The following SEMA3F variants were observed in gnomAD, a reference collection of about 807,000 sequenced individuals.
SEMA3F encodes the protein semaphorin-3F.
A neutral mutation model predicts 98.5 loss-of-function variants in SEMA3F; 30 were observed. The ratio of observed to expected loss-of-function variants is 0.30; its 90% CI spans 0.23 to 0.41. SEMA3F has a LOEUF of 0.41. Ranked by LOEUF, SEMA3F falls within the 10% of genes least tolerant of loss-of-function variation. SEMA3F has a pLI of 1.00. For missense variants in SEMA3F, 866 were observed against 1,119.3 expected, an observed-to-expected ratio of 0.77 and a Z score of 3.23; for synonymous variants, 380 against 444.8, an observed-to-expected ratio of 0.85 and a Z score of 1.83.
intron 2 of SEMA3F, among the ~76,000 whole-genome samples, chr3:50,160,261 G>A (rs1305242320): frequency 1.3e-5 from 2 of 152,154 alleles, no homozygotes; most frequent in African/African-American, 4.8e-5. Flanking sequence ...TAGAATCCAG[G>A]AGGGGACTGT....
At chr3:50,169,543 G>A (rs946956883) in intron 2 of SEMA3F, among the ~76,000 whole-genome samples, 9 of 152,186 alleles carry the variant, frequency 5.9e-5, no homozygotes, top group Non-Finnish European at 1.2e-4. Flanking sequence ...GTATGGGGGT[G>A]GGGAGCCCTT....
chr3:50,183,163 A>G (rs1256786508), intron 10 of SEMA3F, 23 bp from the exon 11 acceptor site: 3 of 1,613,176 alleles, frequency 1.9e-6, no homozygotes, highest in Non-Finnish European at 2.5e-6. Flanking sequence ...GCACCCTCCA[A>G]CACCTTCTCC....
chr3:50,159,392 G>A (rs1698119092), intron 1 of SEMA3F, 183 bp from the exon 2 acceptor site: 2 of 501,420 alleles, frequency 4.0e-6, no homozygotes, highest in Non-Finnish European at 6.9e-6. Flanking sequence ...GGGGCCTATT[G>A]GTACTATCTC....
At chr3:50,157,858 G>T (rs1698051124) in intron 1 of SEMA3F, among the ~76,000 whole-genome samples, 1 of 152,212 alleles carries the variant, frequency 6.6e-6, no homozygotes, top group African/African-American at 2.4e-5. Flanking sequence ...ATGAGGTCAT[G>T]GGGAGGGGGG....
chr3:50,155,618 AC>A lies in SEMA3F; in HGVS notation c.-49+58del. On this transcript the variant is annotated intron_variant, in intron 1 of 18. Coordinates refer to ENST00000002829, the MANE Select transcript of SEMA3F (RefSeq NM_004186.5). This position sits in a 1 kb window ranked among gnomAD's most constrained non-coding sequence, Gnocchi z 4.9. ...GGGCAGGCGGCCGGGCCACCCCGCG[AC>A]CCCTCTGGGACCCGCGGCACTGCAA... 1 of 249,260 alleles carries A rather than the reference AC, an allele frequency of 4.0e-6. No individual in the cohort carries two copies. 15.4% of individuals were successfully genotyped at this position (249,260 alleles called of 1,614,324 possible). A position where few individuals can be genotyped will look rare whatever the true frequency, so the allele number is the denominator to read the frequency against.
rs1201109435 is a variant in SEMA3F, at chr3:50,155,495, C to G, written c.-118C>G. The stretch of plus-strand genomic sequence containing the variant: ...GGCCCCGGGGGGCCGCTAGCGCGGA[C>G]CGGCCCAACGGGAGCCGCTCCGTGC... On this transcript the variant is annotated 5_prime_UTR_variant, in exon 1 of 19. Coordinates refer to ENST00000002829, the MANE Select transcript of SEMA3F (RefSeq NM_004186.5). The surrounding 1 kb of genome is among the most constrained non-coding windows in gnomAD (Gnocchi z 4.9). 3 of 323,992 alleles carry G rather than the reference C, an allele frequency of 9.3e-6. No homozygotes were observed. The highest frequency in any genetic ancestry group is 4.4e-5 in the African/African-American group (2 of 45,808). The allele number at this position is 323,992 out of a possible 1,614,324, so 20.1% of individuals were successfully genotyped here. A position where few individuals can be genotyped will look rare whatever the true frequency, so the allele number is the denominator to read the frequency against.
intron 6 of SEMA3F, among the ~76,000 whole-genome samples, 173 bp from the exon 7 acceptor site, chr3:50,176,590 GGCCCT>G: frequency 6.6e-6 from 1 of 152,176 alleles, no homozygotes; most frequent in Non-Finnish European, 1.5e-5. Context: ...CCCACAGCAT[GGCCCT>G]GCCCTGGGAG....
intron 16 of SEMA3F, 29 bp from the exon 17 acceptor site, chr3:50,186,252 G>A: frequency 6.2e-7 from 1 of 1,608,794 alleles, no homozygotes; most frequent in South Asian, 1.1e-5. Flanking sequence ...CTTCCTGGGA[G>A]CACTCCTTCA....
At chr3:50,172,633 T>A (rs1004200057) in intron 2 of SEMA3F, among the ~76,000 whole-genome samples, 1 of 152,194 alleles carries the variant, frequency 6.6e-6, no homozygotes, top group Non-Finnish European at 1.5e-5. Flanking sequence ...CAGAAATGAC[T>A]GTCCTGGCTC....
intron 6 of SEMA3F, 70 bp from the exon 7 acceptor site, chr3:50,176,698 C>A: frequency 9.0e-7 from 1 of 1,116,022 alleles, no homozygotes; most frequent in Non-Finnish European, 1.4e-6. Flanking sequence ...ACCCTGGGAG[C>A]CTGGTGACCC....
At chr3:50,184,523 T>A (rs1348224791) in intron 12 of SEMA3F, 69 bp from the exon 13 acceptor site, 3 of 1,178,276 alleles carry the variant, frequency 2.5e-6, no homozygotes, top group African/African-American at 3.0e-5. Flanking sequence ...AGCGGCCTCT[T>A]CTGAAGCTAA....
chr3:50,158,034 G>A lies in SEMA3F; in HGVS notation c.-48-1541G>A, dbSNP rs1698061758. 6.6e-6 allele frequency among the ~76,000 whole-genome samples: 1 copy of A among 152,198 alleles called. No homozygotes were observed. Among genetic ancestry groups the A allele is most frequent in the African/African-American group, 2.4e-5 (1 of 41,446 alleles). ...CTCATGCTTGTAAGGACGTGTGTGG[G>A]CCTGCAAGTGTGAACGTGTGCATAT... is the stretch of plus-strand genomic sequence containing the variant. On this transcript the variant is annotated intron_variant, in intron 1 of 18. Coordinates refer to ENST00000002829, the MANE Select transcript of SEMA3F (RefSeq NM_004186.5). This position sits in a 1 kb window ranked among gnomAD's most constrained non-coding sequence, Gnocchi z 4.8.
chr3:50,165,506 C>T (rs527675411), intron 2 of SEMA3F, among the ~76,000 whole-genome samples: 14 of 152,308 alleles, frequency 9.2e-5, no homozygotes, highest in African/African-American at 1.4e-4. Context: ...CAGCTCCTGC[C>T]GTGTGTCCTA....
intron 2 of SEMA3F, among the ~76,000 whole-genome samples, chr3:50,165,382 A>G (rs1023242703): frequency 1.3e-5 from 2 of 152,188 alleles, no homozygotes; most frequent in African/African-American, 4.8e-5. Flanking sequence ...AATTCCAGTG[A>G]TACGGATGCA....
intron 2 of SEMA3F, among the ~76,000 whole-genome samples, chr3:50,171,833 G>A (rs1425897433): frequency 1.3e-5 from 2 of 152,146 alleles, no homozygotes; most frequent in Non-Finnish European, 2.9e-5. Context: ...TGAGGCCATC[G>A]CCAGGCAGGA....
In SEMA3F at chr3:50,170,324, G is replaced by A. The variant is rs987025352; in HGVS notation, c.113-3469G>A. Among the ~76,000 whole-genome samples the A allele has an allele frequency of 2.6e-5, 4 of 152,204 alleles. No individual in the cohort carries two copies. In the South Asian group the frequency reaches 8.3e-4, roughly 32 times the overall value. On this transcript the variant is annotated intron_variant, in intron 2 of 18. Transcript: ENST00000002829. Reference sequence around the variant, plus strand: ...TGGGGTAAGGACACACTGGAGTTGGGAAGGCTGGAGCTGAGTCCACAGGTT... The same window carrying A: ...TGGGGTAAGGACACACTGGAGTTGGAAAGGCTGGAGCTGAGTCCACAGGTT...
At chr3:50,173,754 C>G in intron 2 of SEMA3F, 39 bp from the exon 3 acceptor site, 1 of 1,599,010 alleles carries the variant, frequency 6.3e-7, no homozygotes, top group Non-Finnish European at 8.5e-7. Context: ...TGGATGGTTT[C>G]CTGAAGGTCC....
Position 50,188,134 on chromosome 3 carries a change from G to T in SEMA3F, c.*19G>T, listed in dbSNP as rs1018163872. The stretch of plus-strand genomic sequence containing the variant: ...CACATGAGGCCAGCTGCCTGTGCCT[G>T]CCATGGGCCAGCCTAGCCCTTGTCC... On this transcript the variant is annotated 3_prime_UTR_variant, in exon 19 of 19. Coordinates refer to ENST00000002829, the MANE Select transcript of SEMA3F (RefSeq NM_004186.5). The surrounding 1 kb of genome is among the most constrained non-coding windows in gnomAD (Gnocchi z 4.5). 2 of 1,438,884 alleles carry T rather than the reference G, an allele frequency of 1.4e-6. No homozygotes were observed. The highest frequency in any genetic ancestry group is 1.8e-6 in the Non-Finnish European group (2 of 1,096,648). 89.1% of individuals were successfully genotyped at this position (1,438,884 alleles called of 1,614,324 possible). A position where few individuals can be genotyped will look rare whatever the true frequency, so the allele number is the denominator to read the frequency against.
chr3:50,186,119 G>A (rs907386807), intron 16 of SEMA3F, 73 bp downstream of exon 16: 2 of 1,514,462 alleles, frequency 1.3e-6, no homozygotes, highest in African/African-American at 1.4e-5. Context: ...GGGGGTGCAT[G>A]TGATATTACC....
Sources: gnomAD v4.1 joint callset for allele counts (sites outside exome capture counted in the v4.1 genomes callset) on GRCh38, gnomAD v4.1.1 for gene constraint, Gnocchi (gnomAD v3.1) non-coding constraint, MANE v1.5 for transcripts, NCBI Gene and HGNC (gene_info 2026-07-23, HGNC 2026-07-21) for gene names.